The following ALG5 variants were observed in gnomAD, a reference collection of about 807,000 sequenced individuals.
ALG5 encodes the protein ALG5 dolichyl-phosphate beta-glucosyltransferase, also known as dolichyl-phosphate beta-glucosyltransferase.
A neutral mutation model predicts 51.8 loss-of-function variants in ALG5; 26 were observed. The observed-to-expected ratio is 0.50, with a 90% CI of 0.37 to 0.70. The LOEUF (loss-of-function observed/expected upper bound fraction) is 0.70, where lower values mean the gene tolerates loss of function less well. Ranked by LOEUF, ALG5 falls within the 30% of genes least tolerant of loss-of-function variation. The pLI is 0.00. For missense variants in ALG5, 311 were observed against 399.3 expected (o/e 0.78, Z 1.88); for synonymous variants, 141 against 136.1 (o/e 1.04, Z -0.25).
In ALG5 at chr13:36,951,861, C is replaced by T. The variant is rs549175219; in HGVS notation, c.859+653G>A. On this transcript the variant is annotated intron_variant, in intron 9 of 9. Coordinates refer to ENST00000239891, the MANE Select transcript of ALG5 (RefSeq NM_013338.5). ...GTGCAATGGTGCAATCTTGGCTCACCGCAACCTTTGCCTCTCGGGTTCAAG... is the reference window on the plus strand; with the variant it reads ...GTGCAATGGTGCAATCTTGGCTCACTGCAACCTTTGCCTCTCGGGTTCAAG... Among the ~76,000 whole-genome samples, 131 of 152,254 alleles carry T rather than the reference C, an allele frequency of 8.6e-4. 2 individuals are homozygous for T. Among genetic ancestry groups the T allele is most frequent in the Admixed American group, 2.2e-3 (33 of 15,292 alleles).
intron 3 of ALG5, 85 bp downstream of exon 3, chr13:36,994,902 TCA>T: frequency 8.4e-7 from 1 of 1,185,164 alleles, no homozygotes. Context: ...GGACTGCCTC[TCA>T]CAGTGCATCT....
rs140836681 is a variant in ALG5 at position 36,979,445 on chromosome 13, A to G, written c.561+6182T>C. Among the ~76,000 whole-genome samples, 629 of 152,310 alleles carry G rather than the reference A, an allele frequency of 4.1e-3. 5 individuals carry two copies. The highest frequency in any genetic ancestry group is 0.015 in the African/African-American group (609 of 41,560). The stretch of plus-strand genomic sequence containing the variant: ...ATACCAGCTTCTTAGACTTGCTCAC[A>G]TGGTCCACAAAAAAAGGGAGAAGGA... On this transcript the variant is annotated intron_variant, in intron 6 of 9. Transcript: ENST00000239891.
chr13:36,995,320 G>T, intron 2 of ALG5, 105 bp downstream of exon 2: 2 of 1,201,012 alleles, frequency 1.7e-6, no homozygotes, highest in Non-Finnish European at 2.4e-6. Context: ...GCTCAACACA[G>T]CCCACATCTA....
chr13:36,982,056 A>G (rs2058982170), intron 6 of ALG5, among the ~76,000 whole-genome samples: 1 of 152,244 alleles, frequency 6.6e-6, no homozygotes, highest in African/African-American at 2.4e-5. Flanking sequence ...GCGCCACTGC[A>G]CTCCAGCCTG....
At chr13:36,970,944 T>C (rs1000416435) in intron 7 of ALG5, among the ~76,000 whole-genome samples, 15 of 152,086 alleles carry the variant, frequency 9.9e-5, no homozygotes, top group Admixed American at 9.8e-4. Context: ...AAAGAGAGTC[T>C]GGGTTTTTGT....
At chr13:36,968,453 C>T (rs2058905449) in intron 7 of ALG5, among the ~76,000 whole-genome samples, 1 of 152,124 alleles carries the variant, frequency 6.6e-6, no homozygotes, top group Admixed American at 6.6e-5. Flanking sequence ...CTAATGGATT[C>T]TATTTTTGAA....
intron 1 of ALG5, among the ~76,000 whole-genome samples, chr13:36,998,391 T>C (rs1216586478): frequency 3.3e-5 from 5 of 152,184 alleles, no homozygotes; most frequent in African/African-American, 9.7e-5. Flanking sequence ...TCTGGAAAGA[T>C]GGCAGAGTGG....
chr13:36,965,859 C>T (rs1409218216), intron 7 of ALG5, 133 bp from the exon 8 acceptor site: 4 of 704,296 alleles, frequency 5.7e-6, no homozygotes, highest in Non-Finnish European at 9.0e-6. Context: ...ACCACTGTTC[C>T]ATGAGCTTCA....
chr13:36,995,796 T>G (rs992716351), intron 1 of ALG5, among the ~76,000 whole-genome samples, 200 bp from the exon 2 acceptor site: 2 of 152,160 alleles, frequency 1.3e-5, no homozygotes, highest in African/African-American at 4.8e-5. Flanking sequence ...TACTGTCCTT[T>G]TTTCCATCAG....
intron 4 of ALG5, among the ~76,000 whole-genome samples, chr13:36,990,223 T>C (rs571889521): frequency 1.3e-5 from 2 of 152,222 alleles, no homozygotes; most frequent in South Asian, 2.1e-4. Flanking sequence ...AGTCGTGAGA[T>C]AGTGATCTAT....
At chr13:36,993,713 T>G (rs762127302) in intron 3 of ALG5, 41 bp from the exon 4 acceptor site, 2 of 1,511,932 alleles carry the variant, frequency 1.3e-6, no homozygotes, top group Non-Finnish European at 1.8e-6. Context: ...TTGGCATAAC[T>G]GCCATAAAGT....
At chr13:36,972,097 T>TAG in intron 6 of ALG5, 61 bp from the exon 7 acceptor site, 1 of 1,258,408 alleles carries the variant, frequency 7.9e-7, no homozygotes, top group Non-Finnish European at 1.1e-6. Flanking sequence ...AAATATTTAT[T>TAG]TTCAATGAGA....
At chr13:36,955,686 G>GAAAAAAAAAAAAAA (rs35130767) in intron 8 of ALG5, among the ~76,000 whole-genome samples, 3 of 36,494 alleles carry the variant, frequency 8.2e-5, no homozygotes, top group Non-Finnish European at 2.1e-4. Flanking sequence ...CAGAGATTGT[G>GAAAAAAAAAAAAAA]AAAAAAAAAA....
intron 8 of ALG5, among the ~76,000 whole-genome samples, chr13:36,961,636 T>C (rs1231406887): frequency 2.0e-5 from 3 of 152,204 alleles, no homozygotes; most frequent in African/African-American, 4.8e-5. Context: ...TATATATATG[T>C]ATCTGAATTT....
At chr13:36,975,695 C>T (rs1314288180) in intron 6 of ALG5, among the ~76,000 whole-genome samples, 1 of 152,106 alleles carries the variant, frequency 6.6e-6, no homozygotes, top group East Asian at 1.9e-4. Flanking sequence ...ATGTAGAATA[C>T]TAAGTTAAAA....
chr13:36,971,401 C>T (rs1479915704), intron 7 of ALG5, among the ~76,000 whole-genome samples: 2 of 152,062 alleles, frequency 1.3e-5, no homozygotes. Flanking sequence ...AATCCTAGTA[C>T]TTTGGGAGGC....
chr13:36,965,532 T>C (rs2058889117), intron 8 of ALG5, 43 bp downstream of exon 8: 1 of 1,565,842 alleles, frequency 6.4e-7, no homozygotes, highest in African/African-American at 1.4e-5. Context: ...AGAAGATGGC[T>C]GGGTCATAAG....
chr13:36,988,400 CA>C (rs2059011391), intron 5 of ALG5, among the ~76,000 whole-genome samples: 1 of 152,196 alleles, frequency 6.6e-6, no homozygotes, highest in Non-Finnish European at 1.5e-5. Flanking sequence ...GTGACCCAGC[CA>C]AAGTGAATCA....
intron 8 of ALG5, among the ~76,000 whole-genome samples, chr13:36,960,301 T>C (rs1194731783): frequency 1.3e-5 from 2 of 152,064 alleles, no homozygotes; most frequent in Non-Finnish European, 2.9e-5. Context: ...AACTGAGAAA[T>C]AGCTATGCAG....
Sources: allele counts gnomAD v4.1 joint callset (sites outside exome capture counted in the v4.1 genomes callset), GRCh38; gene constraint gnomAD v4.1.1; transcripts MANE v1.5; gene names NCBI Gene and HGNC (gene_info 2026-07-23, HGNC 2026-07-21).